The following ACSL4 variants were observed in gnomAD, a reference collection of about 807,000 sequenced individuals.
The protein encoded by ACSL4 is acyl-CoA synthetase long chain family member 4.
In ACSL4, 9 loss-of-function variants were observed where a neutral mutation model predicts 49.1. The ratio of observed to expected loss-of-function variants is 0.18; its 90% CI spans 0.11 to 0.32. The LOEUF (loss-of-function observed/expected upper bound fraction) is 0.32, where lower values mean the gene tolerates loss of function less well. ACSL4 is among the 10% of genes least tolerant of loss of function. The probability of loss-of-function intolerance (pLI) is 1.00; values close to 1 mark genes in which losing one functional copy is unlikely to be tolerated. For missense variants in ACSL4, 333 were observed against 493.7 expected, an observed-to-expected ratio of 0.67 and a Z score of 3.08; for synonymous variants, 191 against 170.3, an observed-to-expected ratio of 1.12 and a Z score of -0.95.
intron 1 of ACSL4, among the ~76,000 whole-genome samples, chrX:109,697,029 A>G (rs1419802099): frequency 1.8e-5 from 2 of 111,795 alleles, no homozygotes; most frequent in Admixed American, 1.9e-4. Context: ...GTGCAACCAG[A>G]GTGAGACCCT....
At chrX:109,654,109 G>A (rs1043400892) in intron 15 of ACSL4, among the ~76,000 whole-genome samples, 11 of 109,968 alleles carry the variant, frequency 1.0e-4, no homozygotes, top group Non-Finnish European at 2.1e-4. Context: ...TACAGTGATG[G>A]GGAAGAAGGT....
chrX:109,662,241 A>G (rs1319953222), intron 13 of ACSL4, among the ~76,000 whole-genome samples: 1 of 111,277 alleles, frequency 9.0e-6, no homozygotes, highest in Admixed American at 9.6e-5. Context: ...ATGGCCTTGG[A>G]ATGAGTATGA....
At chrX:109,649,801 A>G (rs1934932007) in intron 15 of ACSL4, among the ~76,000 whole-genome samples, 1 of 108,608 alleles carries the variant, frequency 9.2e-6, no homozygotes, top group African/African-American at 3.4e-5. Context: ...AATATCCAGA[A>G]TCTACAATGA....
chrX:109,727,445 T>C (rs1016840700), intron 1 of ACSL4, among the ~76,000 whole-genome samples: 6 of 111,867 alleles, frequency 5.4e-5, no homozygotes, highest in Admixed American at 1.9e-4. Context: ...TGCAGCTTAC[T>C]GATTGCCACA....
intron 1 of ACSL4, among the ~76,000 whole-genome samples, chrX:109,704,478 C>T (rs1447839536): frequency 3.6e-5 from 4 of 111,420 alleles, no homozygotes; most frequent in African/African-American, 6.5e-5. Context: ...TATATAAATA[C>T]GATGTAGATC....
chrX:109,686,828 T>C (rs990762024), intron 2 of ACSL4, among the ~76,000 whole-genome samples: 1 of 109,261 alleles, frequency 9.2e-6, no homozygotes, highest in Non-Finnish European at 1.9e-5. Context: ...TCAAAGAACA[T>C]TCAGGTGAGA....
At position 109,642,597 on chromosome X, in the gene ACSL4, A is replaced by G. The variant is rs1934478372; in HGVS notation, c.*1432T>C. 2 of 111,481 alleles carry G rather than the reference A, an allele frequency of 1.8e-5. No individual in the cohort carries two copies. Among genetic ancestry groups the G allele is most frequent in the Non-Finnish European group, 3.8e-5 (2 of 52,990 alleles). The allele number at this position is 111,481 out of a possible 1,213,427, so 9.2% of individuals were successfully genotyped here. ...ATAAGCAACACACACACACACATATATATATGCATATATATAAAAAATGAT... is the reference window on the plus strand; with the variant it reads ...ATAAGCAACACACACACACACATATGTATATGCATATATATAAAAAATGAT... On this transcript the variant is annotated 3_prime_UTR_variant, in exon 16 of 16. Coordinates refer to ENST00000672401, the MANE Select transcript of ACSL4 (RefSeq NM_001318510.2).
In ACSL4 at chrX:109,644,150, C is replaced by T. The variant is rs370335449; in HGVS notation, c.1892G>A (p.Arg631Gln). The stretch of plus-strand genomic sequence containing the variant: ...AGGGGTCCATGGCTCTGGGCTTAAT[C>T]GAACCTTGATTGGAATTTCAAATCG... ...LERFEIPIKV[R>Q]LSPEPWTPET... Residue 631 changes from arginine to glutamine, a missense_variant, in exon 16 of 16, where the codon CGA (arginine) becomes CAA (glutamine). Around this residue, in one of 3 missense-constraint regions of ACSL4, gnomAD observed 175 missense variants for 275.8 expected, o/e 0.63. Coordinates refer to ENST00000672401, the MANE Select transcript of ACSL4 (RefSeq NM_001318510.2). 10 of 1,205,458 alleles carry T rather than the reference C, an allele frequency of 8.3e-6. No individual in the cohort carries two copies. Among genetic ancestry groups the T allele is most frequent in the African/African-American group, 1.8e-5 (1 of 56,581 alleles).
rs747542800 is a variant in ACSL4 at position 109,677,997 on chromosome X, G to A, written c.921C>T (p.Leu307=). Residue 307 remains leucine (L), a synonymous_variant, in exon 8 of 16, where the codon CTC becomes CTT. Coordinates refer to ENST00000672401, the MANE Select transcript of ACSL4 (RefSeq NM_001318510.2). Reference sequence around the variant, plus strand: ...CTGAAAAGTTTGTCACCTGGTCAGAGAGTGTAAGCGGAGAAGAATATCCAA... The same window carrying A: ...CTGAAAAGTTTGTCACCTGGTCAGAAAGTGTAAGCGGAGAAGAATATCCAA... ...CRIGYSSPLT[L]SDQSSKIKKG... 8.3e-7 allele frequency: 1 copy of A among 1,211,414 alleles called. No individual in the cohort carries two copies. Among genetic ancestry groups the A allele is most frequent in the East Asian group, 3.0e-5 (1 of 33,830 alleles).
chrX:109,700,490 T>C (rs1475465658), intron 1 of ACSL4, among the ~76,000 whole-genome samples: 5 of 106,957 alleles, frequency 4.7e-5, no homozygotes, highest in Non-Finnish European at 1.9e-5. Flanking sequence ...TGAGCCACGA[T>C]TGCATCACTG....
intron 1 of ACSL4, among the ~76,000 whole-genome samples, chrX:109,721,890 T>C (rs1927591801): frequency 8.9e-6 from 1 of 111,838 alleles, no homozygotes; most frequent in South Asian, 3.7e-4. Flanking sequence ...ATTAACTAAG[T>C]GAGAAATAGA....
At chrX:109,671,386 C>G (rs1422479289) in intron 9 of ACSL4, among the ~76,000 whole-genome samples, 1 of 111,376 alleles carries the variant, frequency 9.0e-6, no homozygotes, top group Non-Finnish European at 1.9e-5. Flanking sequence ...CCCCTCCGCC[C>G]GGCCAGCCGC....
rs751542151 is a variant in ACSL4 at position 109,641,586 on chromosome X, T to C, written c.*2443A>G. ...TGTTACCTTAGAAACATTTGTCATA[T>C]GCTATCAGGAAAATATAGGCAAGAC... On this transcript the variant is annotated 3_prime_UTR_variant, in exon 16 of 16. Coordinates refer to ENST00000672401, the MANE Select transcript of ACSL4 (RefSeq NM_001318510.2). The C allele has an allele frequency of 8.9e-6, 1 of 112,870 alleles. No individual in the cohort carries two copies. Among genetic ancestry groups the C allele is most frequent in the Admixed American group, 9.4e-5 (1 of 10,661 alleles). 9.3% of individuals were successfully genotyped at this position (112,870 alleles called of 1,213,427 possible).
At chrX:109,659,026 T>C (rs1044675047) in intron 15 of ACSL4, among the ~76,000 whole-genome samples, 3 of 112,225 alleles carry the variant, frequency 2.7e-5, no homozygotes, top group African/African-American at 9.7e-5. Flanking sequence ...TAACACTATT[T>C]ACTAAACTTA....
chrX:109,698,454 G>C (rs1490868316), intron 1 of ACSL4, among the ~76,000 whole-genome samples: 3 of 111,658 alleles, frequency 2.7e-5, no homozygotes, highest in Non-Finnish European at 5.6e-5. Flanking sequence ...ATCAGGAATT[G>C]GGATGATTTA....
chrX:109,652,343 A>T (rs1921216060), intron 15 of ACSL4, among the ~76,000 whole-genome samples: 1 of 111,945 alleles, frequency 8.9e-6, no homozygotes, highest in African/African-American at 3.2e-5. Context: ...ATTACCACTC[A>T]TTATCCAAAT....
chrX:109,656,026 C>T (rs761776056), intron 15 of ACSL4, among the ~76,000 whole-genome samples: 1 of 110,481 alleles, frequency 9.1e-6, no homozygotes, highest in Non-Finnish European at 1.9e-5. Flanking sequence ...CCCAAACCGG[C>T]GAGTAAACCA....
chrX:109,659,967 G>A (rs1453702182), intron 14 of ACSL4, among the ~76,000 whole-genome samples: 3 of 108,532 alleles, frequency 2.8e-5, no homozygotes, highest in Non-Finnish European at 5.8e-5. Flanking sequence ...GCACCAATCT[G>A]ATAAAACTAT....
intron 14 of ACSL4, among the ~76,000 whole-genome samples, chrX:109,660,713 A>G (rs939945344): frequency 8.9e-6 from 1 of 111,772 alleles, no homozygotes; most frequent in Admixed American, 9.5e-5. Flanking sequence ...TATAAACAAA[A>G]TACATTATAT....
Sources: allele counts gnomAD v4.1 joint callset (sites outside exome capture counted in the v4.1 genomes callset), GRCh38; gene constraint gnomAD v4.1.1; regional missense constraint gnomAD v4.1.1; transcripts MANE v1.5; gene names NCBI Gene and HGNC (gene_info 2026-07-23, HGNC 2026-07-21).